The following VMP1 variants were observed in gnomAD, a reference collection of about 807,000 sequenced individuals.
The protein encoded by VMP1 is vacuole membrane protein 1, also known as ectopic P-granules autophagy protein 3 homolog.
Under a neutral mutation model 56.0 loss-of-function variants are expected in VMP1, and 11 were observed. The ratio of observed to expected loss-of-function variants is 0.20; its 90% CI spans 0.12 to 0.32. VMP1 has a LOEUF of 0.32. VMP1 is among the 10% of genes least tolerant of loss of function. VMP1 has a pLI of 1.00. For missense variants in VMP1, 296 were observed against 490.3 expected, an observed-to-expected ratio of 0.60 and a Z score of 3.74; for synonymous variants, 149 against 165.0, an observed-to-expected ratio of 0.90 and a Z score of 0.74.
At chr17:59,791,345 C>T (rs1422790892) in intron 7 of VMP1, among the ~76,000 whole-genome samples, 2 of 151,754 alleles carry the variant, frequency 1.3e-5, no homozygotes, top group African/African-American at 4.8e-5. Context: ...CCTGCCACCG[C>T]GCTCAGCTAA....
At chr17:59,838,475 T>C (rs2039056044) in intron 11 of VMP1, 78 bp downstream of exon 11, 10 of 1,447,556 alleles carry the variant, frequency 6.9e-6, no homozygotes, top group Non-Finnish European at 9.6e-6. Flanking sequence ...CACTCACATT[T>C]TTAGGCAAAT....
At chr17:59,730,663 A>G (rs920146888) in intron 1 of VMP1, among the ~76,000 whole-genome samples, 3 of 152,204 alleles carry the variant, frequency 2.0e-5, no homozygotes, top group Admixed American at 1.3e-4. Flanking sequence ...CTTTTATTGA[A>G]GTGATGTGCT....
chr17:59,724,202 A>T (rs2034503757), intron 1 of VMP1, among the ~76,000 whole-genome samples: 1 of 146,046 alleles, frequency 6.8e-6, no homozygotes, highest in African/African-American at 2.6e-5. Context: ...ACAGAGTGAG[A>T]CCCTGTCTCA....
At chr17:59,807,181 C>A (rs1296937567) in intron 7 of VMP1, among the ~76,000 whole-genome samples, 1 of 150,138 alleles carries the variant, frequency 6.7e-6, no homozygotes, top group Non-Finnish European at 1.5e-5. Flanking sequence ...ATCTGTCCAG[C>A]TTCTTTTTTG....
chr17:59,810,176 C>A (rs952765800), intron 8 of VMP1, among the ~76,000 whole-genome samples: 1 of 151,978 alleles, frequency 6.6e-6, no homozygotes, highest in African/African-American at 2.4e-5. Context: ...TTTTTTGAGA[C>A]AGAGTCTCCC....
At chr17:59,771,199 G>C (rs1016181799) in intron 6 of VMP1, among the ~76,000 whole-genome samples, 3 of 150,954 alleles carry the variant, frequency 2.0e-5, no homozygotes, top group African/African-American at 7.3e-5. Context: ...CTGGAGACAG[G>C]GTCTCACTCT....
At chr17:59,777,457 CTT>C (rs77891416) in intron 7 of VMP1, among the ~76,000 whole-genome samples, 1 of 145,138 alleles carries the variant, frequency 6.9e-6, no homozygotes. Flanking sequence ...AAGCAGTCTA[CTT>C]TTTTTTTTTT....
At chr17:59,809,000 C>A in intron 8 of VMP1, 124 bp downstream of exon 8, 8 of 750,544 alleles carry the variant, frequency 1.1e-5, no homozygotes, top group African/African-American at 1.8e-5. Flanking sequence ...GTGAATCATT[C>A]ACCTTTTTTT....
intron 1 of VMP1, among the ~76,000 whole-genome samples, chr17:59,715,657 T>A (rs2034124440): frequency 6.6e-6 from 1 of 152,232 alleles, no homozygotes; most frequent in Non-Finnish European, 1.5e-5. Flanking sequence ...CAAAACATGC[T>A]AATCATTTAT....
intron 7 of VMP1, among the ~76,000 whole-genome samples, chr17:59,797,616 C>G (rs1252295566): frequency 6.6e-6 from 1 of 152,208 alleles, no homozygotes; most frequent in Non-Finnish European, 1.5e-5. Context: ...GTGGCTCACG[C>G]CTGTAATCCC....
chr17:59,747,887 CCT>C (rs1312529318), intron 5 of VMP1, among the ~76,000 whole-genome samples: 1 of 150,498 alleles, frequency 6.6e-6, no homozygotes, highest in Non-Finnish European at 1.5e-5. Context: ...AGAGCGAAAC[CCT>C]GTCTCTTAAA....
At chr17:59,837,963 A>G (rs2039033952) in intron 10 of VMP1, 2 of 191,226 alleles carry the variant, frequency 1.0e-5, no homozygotes, top group East Asian at 1.3e-4. Flanking sequence ...AGAGTACAGT[A>G]TCAGCTGAGC....
intron 1 of VMP1, among the ~76,000 whole-genome samples, chr17:59,710,205 A>C (rs558081051): frequency 6.6e-6 from 1 of 152,214 alleles, no homozygotes; most frequent in Non-Finnish European, 1.5e-5. Flanking sequence ...TCAAAAAAAA[A>C]AGAAACATTA....
chr17:59,814,267 G>A (rs139991015), intron 9 of VMP1, among the ~76,000 whole-genome samples: 300 of 152,308 alleles, frequency 2.0e-3, no homozygotes, highest in African/African-American at 7.0e-3. Flanking sequence ...ATGATCCACT[G>A]CGCCTGGCCG....
intron 1 of VMP1, among the ~76,000 whole-genome samples, chr17:59,715,357 T>C (rs1376125658): frequency 6.6e-6 from 1 of 152,148 alleles, no homozygotes; most frequent in East Asian, 1.9e-4. Context: ...CTTACAATCA[T>C]GGTGGTAGGG....
intron 10 of VMP1, among the ~76,000 whole-genome samples, chr17:59,830,776 CT>C (rs2038782167): frequency 1.3e-5 from 2 of 152,220 alleles, no homozygotes; most frequent in South Asian, 4.1e-4. Flanking sequence ...ACTGCTTAGA[CT>C]TTAAGTATAC....
chr17:59,821,534 C>CT (rs2038449438), intron 10 of VMP1, among the ~76,000 whole-genome samples: 2 of 119,738 alleles, frequency 1.7e-5, no homozygotes, highest in African/African-American at 7.0e-5. Flanking sequence ...ACCTCAGCTA[C>CT]TTTTCTTTTT....
chr17:59,809,664 GC>G (rs1568189272), intron 8 of VMP1, among the ~76,000 whole-genome samples: 3 of 150,208 alleles, frequency 2.0e-5, no homozygotes, highest in African/African-American at 7.4e-5. Context: ...CCGCCACTAC[GC>G]CCGGCTAATT....
chr17:59,777,663 A>G (rs1033616275), intron 7 of VMP1, among the ~76,000 whole-genome samples: 1 of 151,978 alleles, frequency 6.6e-6, no homozygotes, highest in Non-Finnish European at 1.5e-5. Context: ...AATATAAACA[A>G]ATTAGCTGGG....
Sources: allele counts gnomAD v4.1 joint callset (sites outside exome capture counted in the v4.1 genomes callset), GRCh38; gene constraint gnomAD v4.1.1; transcripts MANE v1.5; gene names NCBI Gene and HGNC (gene_info 2026-07-23, HGNC 2026-07-21).